Variants in AFF3 observed in about 807,000 individuals in gnomAD.
The protein encoded by AFF3 is ALF transcription elongation factor 3.
AFF3 carries 32 observed loss-of-function variants against 129.7 expected under a neutral mutation model. The ratio of observed to expected loss-of-function variants is 0.25; its 90% confidence interval spans 0.19 to 0.33. The LOEUF (loss-of-function observed/expected upper bound fraction) is 0.33, where lower values mean the gene tolerates loss of function less well. AFF3 is among the 10% of genes least tolerant of loss of function. AFF3 has a pLI of 1.00. For missense variants in AFF3, 1,373 were observed against 1,592.0 expected, an observed-to-expected ratio of 0.86 and a Z score of 2.34; for synonymous variants, 644 against 635.4, an observed-to-expected ratio of 1.01 and a Z score of -0.20.
intron 11 of AFF3, among the ~76,000 whole-genome samples, chr2:99,711,134 A>G (rs1558774072): frequency 6.6e-6 from 1 of 152,066 alleles, no homozygotes; most frequent in East Asian, 1.9e-4. Flanking sequence ...AAGGGCTTTT[A>G]GGGAAATACC....
intron 8 of AFF3, among the ~76,000 whole-genome samples, chr2:99,824,995 C>G (rs1352600540): frequency 6.6e-6 from 1 of 152,162 alleles, no homozygotes; most frequent in Non-Finnish European, 1.5e-5. Context: ...AAACAACATG[C>G]AAATAAATAT....
At chr2:100,011,102 A>C (rs1051336397) in intron 4 of AFF3, among the ~76,000 whole-genome samples, 1 of 152,032 alleles carries the variant, frequency 6.6e-6, no homozygotes, top group Non-Finnish European at 1.5e-5. Context: ...GTGAAACCCC[A>C]TTTCTACTAA....
At chr2:99,630,128 G>A (rs775559176) in intron 13 of AFF3, among the ~76,000 whole-genome samples, 5 of 152,086 alleles carry the variant, frequency 3.3e-5, no homozygotes, top group Non-Finnish European at 5.9e-5. Context: ...TTTCTTTTAC[G>A]AGCTTTGCCT....
chr2:99,828,577 G>C (rs1038512736), intron 8 of AFF3, among the ~76,000 whole-genome samples: 1 of 152,178 alleles, frequency 6.6e-6, no homozygotes, highest in Admixed American at 6.5e-5. Flanking sequence ...ACTTCCAAAG[G>C]GGGCCATGAC....
At chr2:100,022,854 G>A (rs184076715) in intron 4 of AFF3, among the ~76,000 whole-genome samples, 192 of 152,246 alleles carry the variant, frequency 1.3e-3, no homozygotes, top group African/African-American at 4.4e-3. Flanking sequence ...CTTCTTCCTC[G>A]AAACACTGCA....
At chr2:99,888,960 G>A (rs750857465) in intron 7 of AFF3, among the ~76,000 whole-genome samples, 11 of 152,162 alleles carry the variant, frequency 7.2e-5, no homozygotes, top group Non-Finnish European at 1.6e-4. Flanking sequence ...GCTTCAAGTG[G>A]TGGACGGAAG....
chr2:99,859,490 T>G (rs931035673), intron 7 of AFF3, among the ~76,000 whole-genome samples: 2 of 152,174 alleles, frequency 1.3e-5, no homozygotes, highest in African/African-American at 2.4e-5. Flanking sequence ...ACAACCAGGT[T>G]TGCGAAACCC....
chr2:99,707,472 A>G, intron 11 of AFF3: 1 of 985,438 alleles, frequency 1.0e-6, no homozygotes, highest in Non-Finnish European at 1.2e-6. Flanking sequence ...CAAACAAACA[A>G]AAGGTTATCC....
intron 16 of AFF3, among the ~76,000 whole-genome samples, chr2:99,586,493 G>A (rs1678129504): frequency 2.0e-5 from 3 of 152,206 alleles, no homozygotes; most frequent in Admixed American, 2.0e-4. Flanking sequence ...GGGAGGGTGA[G>A]GAGTGTCTTA....
intron 7 of AFF3, among the ~76,000 whole-genome samples, chr2:99,913,449 T>G (rs769634801): frequency 6.6e-6 from 1 of 152,170 alleles, no homozygotes; most frequent in Non-Finnish European, 1.5e-5. Context: ...ATTAGATAGA[T>G]TGGTAGACAG....
intron 15 of AFF3, among the ~76,000 whole-genome samples, chr2:99,592,865 G>C (rs1043961435): frequency 5.9e-5 from 9 of 151,926 alleles, no homozygotes; most frequent in African/African-American, 2.2e-4. Flanking sequence ...GAACCTGGGA[G>C]GCAGAGGTTG....
intron 7 of AFF3, among the ~76,000 whole-genome samples, chr2:99,909,673 G>GTC (rs1694983250): frequency 6.6e-6 from 1 of 151,816 alleles, no homozygotes; most frequent in South Asian, 2.1e-4. Context: ...GTTCTTTTGG[G>GTC]TCTCGGTATA....
intron 4 of AFF3, among the ~76,000 whole-genome samples, chr2:100,100,745 G>A (rs181422231): frequency 1.5e-3 from 230 of 152,264 alleles, no homozygotes; most frequent in African/African-American, 5.3e-3. Flanking sequence ...TTTGTTAAAC[G>A]AATTAAATGA....
At chr2:99,704,200 T>C (rs1274895996) in intron 11 of AFF3, among the ~76,000 whole-genome samples, 1 of 152,224 alleles carries the variant, frequency 6.6e-6, no homozygotes, top group African/African-American at 2.4e-5. Flanking sequence ...GTATGTTTAC[T>C]TCTATTTTTA....
intron 4 of AFF3, among the ~76,000 whole-genome samples, chr2:100,084,509 G>C (rs1573378932): frequency 1.3e-5 from 2 of 152,174 alleles, no homozygotes; most frequent in East Asian, 3.8e-4. Flanking sequence ...CACACAACAA[G>C]GAGAAATGTA....
chr2:99,891,190 C>A lies in AFF3; in HGVS notation c.874-53666G>T, dbSNP rs147921691. 3.3e-5 allele frequency among the ~76,000 whole-genome samples: 5 copies of A among 152,140 alleles called. No individual in the cohort carries two copies. The East Asian group carries it at 9.7e-4, about 29-fold the overall frequency. ...CTATTTGGAATAACTTCAGCGAGATCTGGAGCACAGAGGCTGTCCTGAGTT... is the reference window on the plus strand; with the variant it reads ...CTATTTGGAATAACTTCAGCGAGATATGGAGCACAGAGGCTGTCCTGAGTT... On this transcript the variant is annotated intron_variant, in intron 7 of 24. Coordinates refer to ENST00000672756, the MANE Select transcript of AFF3 (RefSeq NM_001386135.1).
intron 15 of AFF3, among the ~76,000 whole-genome samples, chr2:99,592,731 C>T (rs192490544): frequency 7.2e-5 from 11 of 152,032 alleles, no homozygotes; most frequent in Non-Finnish European, 1.3e-4. Context: ...GTCAGGAGTT[C>T]GAGACCAGCC....
chr2:99,701,674 T>C (rs935833868), intron 11 of AFF3, among the ~76,000 whole-genome samples: 2 of 152,248 alleles, frequency 1.3e-5, no homozygotes, highest in Non-Finnish European at 2.9e-5. Context: ...TCAACAGTTA[T>C]GCATGGACTC....
chr2:100,012,897 GCTC>G (rs1279830120), intron 4 of AFF3, among the ~76,000 whole-genome samples: 4 of 152,098 alleles, frequency 2.6e-5, no homozygotes, highest in Admixed American at 2.0e-4. Flanking sequence ...CTGCAAAGTT[GCTC>G]CTATTTCCAT....
Sources: gnomAD v4.1 joint callset for allele counts (sites outside exome capture counted in the v4.1 genomes callset) on GRCh38, gnomAD v4.1.1 for gene constraint, MANE v1.5 for transcripts, NCBI Gene and HGNC (gene_info 2026-07-23, HGNC 2026-07-21) for gene names.